Variants in RAB6A observed in about 807,000 individuals in gnomAD.
RAB6A encodes the protein RAB6A, member RAS oncogene family, also known as ras-related protein Rab-6A.
A neutral mutation model predicts 32.3 loss-of-function variants in RAB6A; 8 were observed. The observed-to-expected ratio is 0.25, with a 90% CI of 0.15 to 0.45. The LOEUF (loss-of-function observed/expected upper bound fraction) is 0.45, where lower values mean the gene tolerates loss of function less well. Ranked by LOEUF, RAB6A falls within the 20% of genes least tolerant of loss-of-function variation. The probability of loss-of-function intolerance (pLI) is 1.00; values close to 1 mark genes in which losing one functional copy is unlikely to be tolerated. For synonymous variants in RAB6A, 73 were observed against 82.1 expected, an observed-to-expected ratio of 0.89 and a Z score of 0.60; for missense variants, 104 against 249.4, an observed-to-expected ratio of 0.42 and a Z score of 3.93.
At chr11:73,679,593 A>T (rs757491739) in intron 7 of RAB6A, 61 bp downstream of exon 7, 11 of 1,582,988 alleles carry the variant, frequency 6.9e-6, no homozygotes, top group Non-Finnish European at 9.5e-6. Context: ...TTAGCCAAGC[A>T]AGCAGGGCTC....
intron 6 of RAB6A, among the ~76,000 whole-genome samples, chr11:73,687,391 C>T (rs1320779049): frequency 4.6e-5 from 7 of 152,176 alleles, no homozygotes; most frequent in Non-Finnish European, 1.0e-4. Flanking sequence ...ATAATGAACA[C>T]AATCTTAGGC....
rs1405740482 is a variant in RAB6A at position 73,710,156 on chromosome 11, C to T, written c.402-2643G>A. On this transcript the variant is annotated intron_variant, in intron 5 of 7. Transcript: ENST00000336083. Reference sequence around the variant, plus strand: ...TGTGTTTTTTTTTTTTTAGCAGAGACGGGGTTTCACCGTGTTAGCCAGGAT... The same window carrying T: ...TGTGTTTTTTTTTTTTTAGCAGAGATGGGGTTTCACCGTGTTAGCCAGGAT... Among the ~76,000 whole-genome samples the T allele has an allele frequency of 5.6e-4, 82 of 147,584 alleles. 1 individual carries two copies. The highest frequency in any genetic ancestry group is 1.9e-3 in the African/African-American group (76 of 40,596).
intron 5 of RAB6A, among the ~76,000 whole-genome samples, chr11:73,712,328 A>G (rs560740851): frequency 1.1e-4 from 16 of 151,376 alleles, no homozygotes; most frequent in Non-Finnish European, 2.4e-4. Context: ...CTTATTTTCC[A>G]TATGAAACTG....
intron 6 of RAB6A, among the ~76,000 whole-genome samples, chr11:73,706,448 A>T (rs954586590): frequency 6.6e-6 from 1 of 151,948 alleles, no homozygotes; most frequent in East Asian, 1.9e-4. Flanking sequence ...TGGGAGGTGA[A>T]GCTTGCAGTG....
At chr11:73,688,591 G>C (rs191889591) in intron 6 of RAB6A, among the ~76,000 whole-genome samples, 1 of 152,250 alleles carries the variant, frequency 6.6e-6, no homozygotes, top group East Asian at 1.9e-4. Flanking sequence ...TTGTCCCTGG[G>C]TCTTCTGCTA....
chr11:73,726,406 C>A (rs1322959640), intron 2 of RAB6A, among the ~76,000 whole-genome samples: 2 of 150,458 alleles, frequency 1.3e-5, no homozygotes, highest in Non-Finnish European at 3.0e-5. Flanking sequence ...CACAGTGAAA[C>A]CCTGTCTCTA....
intron 1 of RAB6A, among the ~76,000 whole-genome samples, chr11:73,752,755 T>C (rs1946687106): frequency 6.7e-6 from 1 of 148,486 alleles, no homozygotes; most frequent in Admixed American, 6.7e-5. Flanking sequence ...AAGGCACAGG[T>C]TGCGGTGAGC....
intron 5 of RAB6A, among the ~76,000 whole-genome samples, chr11:73,708,229 C>T (rs566057711): frequency 1.1e-4 from 16 of 152,194 alleles, no homozygotes; most frequent in Admixed American, 2.6e-4. Flanking sequence ...AGTGCAATGG[C>T]GCGATCTCAG....
chr11:73,711,095 C>G (rs1945951390), intron 5 of RAB6A, among the ~76,000 whole-genome samples: 1 of 152,162 alleles, frequency 6.6e-6, no homozygotes, highest in South Asian at 2.1e-4. Context: ...CACCTGGTAT[C>G]TCTGAAGCAG....
intron 4 of RAB6A, among the ~76,000 whole-genome samples, chr11:73,716,843 A>C (rs1946061085): frequency 6.6e-6 from 1 of 152,238 alleles, no homozygotes; most frequent in Non-Finnish European, 1.5e-5. Context: ...CTGCTTCCTC[A>C]GTTTGTGATC....
chr11:73,726,907 A>C (rs1946232375), intron 2 of RAB6A, among the ~76,000 whole-genome samples: 1 of 152,172 alleles, frequency 6.6e-6, no homozygotes, highest in African/African-American at 2.4e-5. Context: ...GAAGGATACA[A>C]GACTGTGGTC....
At chr11:73,689,199 G>A (rs979608389) in intron 6 of RAB6A, among the ~76,000 whole-genome samples, 3 of 152,060 alleles carry the variant, frequency 2.0e-5, no homozygotes, top group African/African-American at 7.2e-5. Context: ...AACCTTTTTG[G>A]CACCAGGGAC....
At chr11:73,690,697 TAAAAA>T (rs34099966) in intron 6 of RAB6A, among the ~76,000 whole-genome samples, 2 of 117,938 alleles carry the variant, frequency 1.7e-5, no homozygotes, top group Admixed American at 1.7e-4. Flanking sequence ...TGTAACATCT[TAAAAA>T]AAAAAAAAAA....
chr11:73,695,385 T>TG (rs945503886), intron 6 of RAB6A, among the ~76,000 whole-genome samples: 3 of 151,618 alleles, frequency 2.0e-5, no homozygotes, highest in Non-Finnish European at 4.4e-5. Context: ...TTTTGTTTTT[T>TG]TTTTTCTTTT....
At chr11:73,731,150 C>A (rs114417584) in intron 1 of RAB6A, among the ~76,000 whole-genome samples, 1 of 152,078 alleles carries the variant, frequency 6.6e-6, no homozygotes, top group African/African-American at 2.4e-5. Flanking sequence ...AGGCTTAGGT[C>A]CACTTCATCT....
At chr11:73,748,884 G>A (rs1401338978) in intron 1 of RAB6A, among the ~76,000 whole-genome samples, 1 of 152,132 alleles carries the variant, frequency 6.6e-6, no homozygotes, top group African/African-American at 2.4e-5. Context: ...CAACACTTTG[G>A]AAGGCCGAGG....
At chr11:73,748,415 T>C (rs754382601) in intron 1 of RAB6A, among the ~76,000 whole-genome samples, 9 of 152,210 alleles carry the variant, frequency 5.9e-5, no homozygotes, top group Non-Finnish European at 1.0e-4. Flanking sequence ...TGGAGTTTGC[T>C]TTAAAATAAC....
At chr11:73,724,026 A>T (rs1339729724) in intron 2 of RAB6A, among the ~76,000 whole-genome samples, 1 of 152,222 alleles carries the variant, frequency 6.6e-6, no homozygotes, top group African/African-American at 2.4e-5. Flanking sequence ...TATTTCTAAC[A>T]AATAGGTTTT....
intron 6 of RAB6A, among the ~76,000 whole-genome samples, chr11:73,691,399 G>C (rs1945560696): frequency 1.3e-5 from 2 of 152,110 alleles, no homozygotes; most frequent in Non-Finnish European, 2.9e-5. Context: ...TCAAACTCCT[G>C]GCCTCCCAAA....
Sources: allele counts gnomAD v4.1 joint callset (sites outside exome capture counted in the v4.1 genomes callset), GRCh38; gene constraint gnomAD v4.1.1; transcripts MANE v1.5; gene names NCBI Gene and HGNC (gene_info 2026-07-23, HGNC 2026-07-21).